Variants in PRKCB observed in about 807,000 individuals in gnomAD.
The protein encoded by PRKCB is protein kinase C beta, also known as protein kinase C beta type.
PRKCB carries 13 observed loss-of-function variants against 81.5 expected under a neutral mutation model. That is an observed-to-expected ratio of 0.16 (90% CI 0.10 to 0.25). PRKCB has a LOEUF of 0.25. Ranked by LOEUF, PRKCB falls within the 10% of genes least tolerant of loss-of-function variation. The probability of loss-of-function intolerance (pLI) is 1.00; values close to 1 mark genes in which losing one functional copy is unlikely to be tolerated. For synonymous variants in PRKCB, 335 were observed against 321.4 expected (o/e 1.04, Z -0.45); for missense variants, 509 against 875.7 (o/e 0.58, Z 5.29).
intron 5 of PRKCB, among the ~76,000 whole-genome samples, chr16:24,072,729 G>A (rs930716927): frequency 6.6e-6 from 1 of 151,998 alleles, no homozygotes; most frequent in South Asian, 2.1e-4. Flanking sequence ...TTACAGGCCT[G>A]TGCCACCAGA....
intron 9 of PRKCB, among the ~76,000 whole-genome samples, chr16:24,127,521 C>T (rs148096070): frequency 1.3e-5 from 2 of 151,884 alleles, no homozygotes; most frequent in Non-Finnish European, 2.9e-5. Context: ...TCCTTATTAA[C>T]TCAAAAGTTC....
At chr16:24,169,441 G>T (rs867060990) in intron 10 of PRKCB, among the ~76,000 whole-genome samples, 48 of 152,122 alleles carry the variant, frequency 3.2e-4, no homozygotes, top group African/African-American at 1.2e-3. Context: ...CTTACATGAT[G>T]CGTCCCTCAG....
intron 2 of PRKCB, among the ~76,000 whole-genome samples, chr16:23,882,942 G>T (rs1359024021): frequency 6.6e-6 from 1 of 152,020 alleles, no homozygotes; most frequent in Non-Finnish European, 1.5e-5. Context: ...ATTGCTGATG[G>T]TAGAAACTGT....
At chr16:23,914,788 T>C (rs1272876796) in intron 2 of PRKCB, among the ~76,000 whole-genome samples, 1 of 152,186 alleles carries the variant, frequency 6.6e-6, no homozygotes, top group African/African-American at 2.4e-5. Context: ...GGAGGCTGCC[T>C]GTAGTGTCTT....
chr16:24,172,209 G>C, intron 10 of PRKCB, 61 bp from the exon 11 acceptor site: 1 of 1,239,858 alleles, frequency 8.1e-7, no homozygotes, highest in Non-Finnish European at 1.2e-6. Context: ...TTCCCCCACT[G>C]TCCATTTGGA....
intron 16 of PRKCB, among the ~76,000 whole-genome samples, chr16:24,200,520 A>G (rs1293242142): frequency 2.6e-5 from 4 of 152,196 alleles, no homozygotes; most frequent in Non-Finnish European, 4.4e-5. Flanking sequence ...ATGACTGAAT[A>G]CCACAGACTA....
chr16:24,172,287 G>C lies in PRKCB; in HGVS notation c.1257G>C (p.Val419=), dbSNP rs1450136542. The change falls in exon 11 of 17, where the codon GTG becomes GTC. Residue 419 remains valine, a synonymous_variant. Coordinates refer to ENST00000643927, the MANE Select transcript of PRKCB (RefSeq NM_002738.7). ...CFQTMDRLYF[V]MEYVNGGDLM... ...TCTTCCAGGACCGCCTGTACTTTGT[G>C]ATGGAGTACGTGAATGGGGGCGACC... 1 of 1,613,858 alleles carries C rather than the reference G, an allele frequency of 6.2e-7. No individual in the cohort carries two copies. The highest frequency in any genetic ancestry group is 8.5e-7 in the Non-Finnish European group (1 of 1,179,948).
chr16:23,943,429 T>A (rs1034602034), intron 2 of PRKCB, among the ~76,000 whole-genome samples: 1 of 152,118 alleles, frequency 6.6e-6, no homozygotes, highest in Admixed American at 6.6e-5. Flanking sequence ...CTTGGGAGGC[T>A]GAGGCGGGAG....
chr16:23,894,201 AGTTTTG>A (rs1371594975), intron 2 of PRKCB, among the ~76,000 whole-genome samples: 2 of 152,142 alleles, frequency 1.3e-5, no homozygotes, highest in African/African-American at 4.8e-5. Flanking sequence ...CTTTTTTTCA[AGTTTTG>A]GTTGCATCAC....
chr16:24,161,781 A>T (rs1200104175), intron 10 of PRKCB, among the ~76,000 whole-genome samples: 2 of 152,138 alleles, frequency 1.3e-5, no homozygotes, highest in East Asian at 3.9e-4. Flanking sequence ...ATTGAAAGAG[A>T]TGGTGAATAA....
At chr16:24,179,615 C>A (rs1279731155) in intron 12 of PRKCB, among the ~76,000 whole-genome samples, 1 of 152,136 alleles carries the variant, frequency 6.6e-6, no homozygotes, top group Non-Finnish European at 1.5e-5. Context: ...AACTGTTCCC[C>A]AAAATATCAA....
intron 3 of PRKCB, among the ~76,000 whole-genome samples, chr16:24,028,022 C>T (rs1406804083): frequency 4.6e-5 from 7 of 152,266 alleles, no homozygotes; most frequent in African/African-American, 7.2e-5. Context: ...GCAGTCCTCC[C>T]GCCTTGGCCT....
At chr16:23,840,122 T>G (rs1962240353) in intron 2 of PRKCB, among the ~76,000 whole-genome samples, 1 of 152,194 alleles carries the variant, frequency 6.6e-6, no homozygotes, top group Non-Finnish European at 1.5e-5. Flanking sequence ...GAGGGAAATT[T>G]ATCCCTGGTA....
chr16:23,867,728 T>A (rs1962832418), intron 2 of PRKCB, among the ~76,000 whole-genome samples: 1 of 152,210 alleles, frequency 6.6e-6, no homozygotes, highest in Non-Finnish European at 1.5e-5. Context: ...ACTTTAAGGA[T>A]GTGAAGACTG....
chr16:23,955,491 C>T (rs1199437943), intron 2 of PRKCB, among the ~76,000 whole-genome samples: 1 of 152,134 alleles, frequency 6.6e-6, no homozygotes, highest in Admixed American at 6.5e-5. Flanking sequence ...GGGTGCCGCG[C>T]TTGCCCTCAT....
chr16:24,157,244 G>A (rs1157230153), intron 10 of PRKCB, among the ~76,000 whole-genome samples: 2 of 152,112 alleles, frequency 1.3e-5, no homozygotes, highest in Non-Finnish European at 2.9e-5. Context: ...AGAGCCCAGT[G>A]GGTTTGGGTC....
intron 2 of PRKCB, among the ~76,000 whole-genome samples, chr16:23,890,702 C>G (rs1164759387): frequency 6.6e-6 from 1 of 152,148 alleles, no homozygotes; most frequent in Non-Finnish European, 1.5e-5. Context: ...TGTGGACTTG[C>G]CTCTATGGGA....
intron 2 of PRKCB, among the ~76,000 whole-genome samples, chr16:23,915,281 C>A (rs1597243584): frequency 6.6e-6 from 1 of 152,128 alleles, no homozygotes; most frequent in Non-Finnish European, 1.5e-5. Flanking sequence ...CTGGCCATGG[C>A]GATATTTTCT....
intron 15 of PRKCB, 51 bp from the exon 16 acceptor site, chr16:24,191,039 C>T (rs1967784156): frequency 2.5e-6 from 4 of 1,585,296 alleles, no homozygotes; most frequent in South Asian, 1.1e-5. Context: ...GAGTGTCTTA[C>T]ATTTCCTCTT....
Sources: gnomAD v4.1 joint callset for allele counts (sites outside exome capture counted in the v4.1 genomes callset) on GRCh38, gnomAD v4.1.1 for gene constraint, MANE v1.5 for transcripts, NCBI Gene and HGNC (gene_info 2026-07-23, HGNC 2026-07-21) for gene names.